Variants in PUDP observed in about 807,000 individuals in gnomAD.
The protein encoded by PUDP is pseudouridine 5'-phosphatase.
In PUDP, 8 loss-of-function variants were observed where a neutral mutation model predicts 9.4. The observed-to-expected ratio is 0.85, with a 90% CI of 0.50 to 1.53. PUDP has a LOEUF of 1.53. Ranked by LOEUF, PUDP falls within the 40% of genes most tolerant of loss-of-function variation. The pLI, the probability that PUDP is intolerant of heterozygous loss-of-function variation, is 0.00. For missense variants in PUDP, 188 were observed against 189.7 expected, an observed-to-expected ratio of 0.99 and a Z score of 0.05; for synonymous variants, 99 against 80.7, an observed-to-expected ratio of 1.23 and a Z score of -1.22.
intron 3 of PUDP, among the ~76,000 whole-genome samples, chrX:7,074,517 C>A (rs59839753): frequency 4.4e-3 from 490 of 112,536 alleles, no homozygotes; most frequent in African/African-American, 0.015. Flanking sequence ...GTTAACAAGG[C>A]AAATATTTCA....
intron 3 of PUDP, among the ~76,000 whole-genome samples, chrX:6,727,935 A>C (rs1329578324): frequency 8.9e-6 from 1 of 111,931 alleles, no homozygotes; most frequent in Non-Finnish European, 1.9e-5. Context: ...GTTGAGGTTT[A>C]TTAGGAGGTT....
chrX:6,876,372 G>T (rs1927251893), intron 3 of PUDP, among the ~76,000 whole-genome samples: 1 of 111,216 alleles, frequency 9.0e-6, no homozygotes, highest in Admixed American at 9.6e-5. Flanking sequence ...AATGGGTTTA[G>T]CAGGCTGTAA....
chrX:6,828,458 C>T (rs761079871), intron 3 of PUDP, among the ~76,000 whole-genome samples: 1 of 111,319 alleles, frequency 9.0e-6, no homozygotes, highest in African/African-American at 3.3e-5. Flanking sequence ...CTCACCTACC[C>T]CCAGCACCCA....
At chrX:6,720,258 G>GTA (rs543397118) in intron 1 of PUDP, among the ~76,000 whole-genome samples, 11,954 of 48,553 alleles carry the variant, frequency 0.25, 1,348 homozygotes, top group Admixed American at 0.39. Flanking sequence ...GTGTGTGTGT[G>GTA]TATATATATA....
upstream of PUDP, among the ~76,000 whole-genome samples, chrX:6,725,068 G>T (rs930255677): frequency 9.0e-6 from 1 of 111,729 alleles, no homozygotes; most frequent in Non-Finnish European, 1.9e-5. Context: ...GTCGAGCACG[G>T]TTGGTCCCCA....
chrX:6,852,700 ATAT>A (rs1220811717), intron 3 of PUDP, among the ~76,000 whole-genome samples: 1 of 111,987 alleles, frequency 8.9e-6, no homozygotes, highest in African/African-American at 3.2e-5. Context: ...ACTATTTTTA[ATAT>A]TTTTTAATAA....
chrX:6,735,754 C>T (rs886963522), intron 3 of PUDP, among the ~76,000 whole-genome samples: 2 of 111,444 alleles, frequency 1.8e-5, no homozygotes, highest in African/African-American at 3.3e-5. Context: ...GTTGTTCACA[C>T]TCCATTTACA....
downstream of PUDP, among the ~76,000 whole-genome samples, chrX:7,045,139 T>C (rs1929968486): frequency 8.9e-6 from 1 of 112,234 alleles, no homozygotes; most frequent in African/African-American, 3.2e-5. Context: ...GGAGTTCTCA[T>C]GAGAGCCAAT....
At chrX:6,786,919 T>C (rs1349161416) in intron 3 of PUDP, among the ~76,000 whole-genome samples, 2 of 111,745 alleles carry the variant, frequency 1.8e-5, no homozygotes, top group Non-Finnish European at 1.9e-5. Context: ...TCTTTACTGC[T>C]CTGGGAGGCA....
intron 3 of PUDP, among the ~76,000 whole-genome samples, chrX:6,770,558 G>A (rs993017850): frequency 1.8e-5 from 2 of 111,208 alleles, no homozygotes; most frequent in African/African-American, 6.5e-5. Flanking sequence ...GGTATCTACA[G>A]AAAGTCAGCA....
chrX:6,842,036 T>C (rs1006601518), intron 3 of PUDP, among the ~76,000 whole-genome samples: 2 of 111,488 alleles, frequency 1.8e-5, no homozygotes, highest in African/African-American at 6.5e-5. Flanking sequence ...GTACGTTCAA[T>C]TTGCAAGCTT....
intron 3 of PUDP, among the ~76,000 whole-genome samples, chrX:6,737,202 C>T (rs746127598): frequency 1.3e-4 from 14 of 111,651 alleles, no homozygotes; most frequent in Admixed American, 3.8e-4. Context: ...CTAGAGGCTT[C>T]GAAGGCAGCT....
At position 6,958,663 on chromosome X, in the gene PUDP, C is replaced by T. The variant is rs144866458; in HGVS notation, c.*247+18470G>A. ...AGAAAAATCGCTTGAACCTGGGAAG[C>T]GGAGGTTGCAGTGAGCTGAGATCAC... is the stretch of plus-strand genomic sequence containing the variant. On this transcript the variant is annotated intron_variant and NMD_transcript_variant, in intron 3 of 3. Transcript: ENST00000655425. Among the ~76,000 whole-genome samples the T allele has an allele frequency of 8.4e-3, 856 of 102,267 alleles. 7 individuals are homozygous for T. The highest frequency in any genetic ancestry group is 0.029 in the African/African-American group (797 of 27,548). The allele number at this position is 102,267 out of a possible 115,157, so 88.8% of individuals were successfully genotyped here.
At chrX:6,728,594 G>A (rs1275842707) in intron 3 of PUDP, among the ~76,000 whole-genome samples, 5 of 111,705 alleles carry the variant, frequency 4.5e-5, no homozygotes, top group Non-Finnish European at 9.4e-5. Flanking sequence ...GTGACTTGCC[G>A]AAAGTCACGT....
At chrX:6,725,247 T>G (rs758296650), upstream of PUDP, among the ~76,000 whole-genome samples, 13 of 112,228 alleles carry the variant, frequency 1.2e-4, no homozygotes, top group Middle Eastern at 4.6e-3. Flanking sequence ...TTGTCTTGTC[T>G]TGCATATATT....
intron 1 of PUDP, among the ~76,000 whole-genome samples, chrX:7,007,233 A>C (rs1354234132): frequency 2.7e-5 from 3 of 111,751 alleles, no homozygotes; most frequent in African/African-American, 9.8e-5. Context: ...TAAGGAAGCA[A>C]TCATGATAAA....
chrX:6,807,781 A>C (rs1465544976), intron 3 of PUDP, among the ~76,000 whole-genome samples: 4 of 112,262 alleles, frequency 3.6e-5, no homozygotes, highest in African/African-American at 1.3e-4. Flanking sequence ...GTTTGCCCTC[A>C]TCTCTATGTA....
At chrX:7,086,117 C>A (rs1426945318) in intron 2 of PUDP, among the ~76,000 whole-genome samples, 4 of 111,486 alleles carry the variant, frequency 3.6e-5, no homozygotes, top group African/African-American at 1.3e-4. Flanking sequence ...CTCCCTACTC[C>A]CTGAATTTCC....
intron 3 of PUDP, among the ~76,000 whole-genome samples, chrX:6,880,128 A>AT (rs1294712295): frequency 9.2e-6 from 1 of 108,704 alleles, no homozygotes; most frequent in Non-Finnish European, 1.9e-5. Flanking sequence ...ATTTCAATAG[A>AT]TTTTTGGGGA....
Sources: allele counts gnomAD v4.1 joint callset (sites outside exome capture counted in the v4.1 genomes callset), GRCh38; gene constraint gnomAD v4.1.1; transcripts MANE v1.5; gene names NCBI Gene and HGNC (gene_info 2026-07-23, HGNC 2026-07-21).